Variants in ASPA observed in about 807,000 individuals in gnomAD.
ASPA encodes ACY-2.
ASPA carries 25 observed loss-of-function variants against 29.6 expected under a neutral mutation model. The ratio of observed to expected loss-of-function variants is 0.85; its 90% CI spans 0.62 to 1.18. The LOEUF (loss-of-function observed/expected upper bound fraction) is 1.18, where lower values mean the gene tolerates loss of function less well. ASPA is among the 50% of genes most tolerant of loss of function. The pLI, the probability that ASPA is intolerant of heterozygous loss-of-function variation, is 0.00. For synonymous variants in ASPA, 131 were observed against 130.3 expected, an observed-to-expected ratio of 1.01 and a Z score of -0.04; for missense variants, 333 against 385.7, an observed-to-expected ratio of 0.86 and a Z score of 1.14.
At chr17:3,481,556 A>G (rs1205236681) in intron 1 of ASPA, 47 bp from the exon 2 acceptor site, 1 of 1,527,752 alleles carries the variant, frequency 6.5e-7, no homozygotes, top group Non-Finnish European at 9.0e-7. Context: ...TGTTTATATT[A>G]TCTCAGGCAC....
rs766958858 is a variant in ASPA at position 3,476,417 on chromosome 17, T to C, written c.236+22T>C. 18 of 1,600,254 alleles carry C rather than the reference T, an allele frequency of 1.1e-5. 1 individual carries two copies. The South Asian group carries it at 1.5e-4, about 14-fold the overall frequency. On this transcript the variant is annotated intron_variant, in intron 1 of 5. Coordinates refer to ENST00000263080, the MANE Select transcript of ASPA (RefSeq NM_000049.4). ...TTGGGTAAGACTATGCTTTGTATTG[T>C]ATATGTATGTATGTTGTGTGAAAAG... is the stretch of plus-strand genomic sequence containing the variant.
Position 3,476,052 on chromosome 17 carries a change from C to A in ASPA, c.-108C>A. ...CCACTCAAGGGAATTCTGTACTTTG[C>A]CCTTTGGGTAAAGTCTCATTTACAT... On this transcript the variant is annotated 5_prime_UTR_variant, in exon 1 of 6. Transcript: ENST00000263080. 1.9e-6 allele frequency: 2 copies of A among 1,028,428 alleles called. No individual in the cohort carries two copies. Among genetic ancestry groups the A allele is most frequent in the Non-Finnish European group, 1.5e-6 (1 of 678,162 alleles). The allele number at this position is 1,028,428 out of a possible 1,614,324, so 63.7% of individuals were successfully genotyped here.
At chr17:3,486,675 A>ATT (rs1003291932) in intron 3 of ASPA, among the ~76,000 whole-genome samples, 1 of 152,202 alleles carries the variant, frequency 6.6e-6, no homozygotes, top group African/African-American at 2.4e-5. Context: ...AACTTAAAAT[A>ATT]TTTTTTGTTA....
chr17:3,498,840 T>C, intron 5 of ASPA, 51 bp from the exon 6 acceptor site: 1 of 1,416,714 alleles, frequency 7.1e-7, no homozygotes, highest in African/African-American at 1.4e-5. Context: ...CATAAATTTT[T>C]AGAGGAGAAA....
Position 3,485,153 on chromosome 17 carries a change from G to A in ASPA, c.526+1561G>A, listed in dbSNP as rs2073697473. 1.3e-5 allele frequency among the ~76,000 whole-genome samples: 2 copies of A among 152,090 alleles called. No homozygotes were observed. Among genetic ancestry groups the A allele is most frequent in the African/African-American group, 4.8e-5 (2 of 41,400 alleles). On this transcript the variant is annotated intron_variant, in intron 3 of 5. Transcript: ENST00000263080. The surrounding 1 kb of genome is among the most constrained non-coding windows in gnomAD (Gnocchi z 4.4). ...CCCATCTCAGCCTCCCAAGTAGCTT[G>A]AACTACAGGCACGTGCCACCACATT...
At chr17:3,497,366 A>G (rs1257239280) in intron 5 of ASPA, among the ~76,000 whole-genome samples, 1 of 152,206 alleles carries the variant, frequency 6.6e-6, no homozygotes, top group Non-Finnish European at 1.5e-5. Flanking sequence ...CACAGAAAAC[A>G]GTGAACTATA....
In ASPA at chr17:3,493,852, G is replaced by T. The variant is rs1405938181; in HGVS notation, c.635-498G>T. Reference sequence around the variant, plus strand: ...TTTTTCAGTTCTGTTTTCTACCTCTGGCCGTCGGCGTGTTTGTGGACAGAG... The same window carrying T: ...TTTTTCAGTTCTGTTTTCTACCTCTTGCCGTCGGCGTGTTTGTGGACAGAG... On this transcript the variant is annotated intron_variant, in intron 4 of 5. Coordinates refer to ENST00000263080, the MANE Select transcript of ASPA (RefSeq NM_000049.4). Among the ~76,000 whole-genome samples the T allele has an allele frequency of 3.3e-5, 5 of 152,132 alleles. No homozygotes were observed. In the East Asian group the frequency reaches 9.7e-4, roughly 29 times the overall value.
chr17:3,479,432 G>A lies in ASPA; in HGVS notation c.237-2171G>A, dbSNP rs548672353. Among the ~76,000 whole-genome samples the A allele has an allele frequency of 2.0e-4, 31 of 152,304 alleles. 1 individual carries two copies. In the South Asian group the frequency reaches 5.6e-3, roughly 28 times the overall value. ...ATTAGGCTTGGTTTGCATACAATAGGAACCTAAGAATAGTGGTTTAAACAA... is the reference window on the plus strand; with the variant it reads ...ATTAGGCTTGGTTTGCATACAATAGAAACCTAAGAATAGTGGTTTAAACAA... On this transcript the variant is annotated intron_variant, in intron 1 of 5. Transcript: ENST00000263080.
rs775451292 is a variant in ASPA at position 3,481,628 on chromosome 17, T to A, written c.262T>A (p.Tyr88Asn). The A allele has an allele frequency of 6.2e-7, 1 of 1,613,772 alleles. No homozygotes were observed. Among genetic ancestry groups the A allele is most frequent in the South Asian group, 1.1e-5 (1 of 91,026 alleles). The change falls in exon 2 of 6, where the codon TAT (tyrosine) becomes AAT (asparagine). Residue 88 changes from tyrosine to asparagine, a missense_variant. Physicochemically the swap from Tyr to Asn is moderately radical, Grantham distance 143 (BLOSUM62 -2). Coordinates refer to ENST00000263080, the MANE Select transcript of ASPA (RefSeq NM_000049.4). ...CAAAAAAATGTCAGAAGATTTGCCA[T>A]ATGAAGTGAGAAGGGCTCAAGAAAT... ...LGKKMSEDLP[Y>N]EVRRAQEINH...
intron 5 of ASPA, among the ~76,000 whole-genome samples, chr17:3,496,863 G>A (rs541777247): frequency 5.7e-4 from 86 of 152,124 alleles, no homozygotes; most frequent in African/African-American, 1.9e-3. Context: ...TCAGGAGATC[G>A]AGACCATCCT....
chr17:3,474,504 G>A (rs116145405), upstream of ASPA, among the ~76,000 whole-genome samples: 133 of 152,286 alleles, frequency 8.7e-4, no homozygotes, highest in African/African-American at 3.1e-3. Context: ...TTACTTTTAC[G>A]TGTGTTTTCA....
At chr17:3,498,554 C>A (rs2073946461) in intron 5 of ASPA, among the ~76,000 whole-genome samples, 1 of 152,016 alleles carries the variant, frequency 6.6e-6, no homozygotes, top group Admixed American at 6.6e-5. Flanking sequence ...TCTGTGTTGC[C>A]CAGGCTGGTT....
At chr17:3,483,667 CTTATT>C (rs942051498) in intron 3 of ASPA, 75 bp downstream of exon 3, 5 of 1,414,314 alleles carry the variant, frequency 3.5e-6, no homozygotes, top group Non-Finnish European at 5.0e-6. Context: ...TATTTTTTAT[CTTATT>C]TTATTTTTGA....
chr17:3,487,182 A>C (rs1337204870), intron 3 of ASPA, among the ~76,000 whole-genome samples: 1 of 152,126 alleles, frequency 6.6e-6, no homozygotes, highest in Non-Finnish European at 1.5e-5. Flanking sequence ...ACAGAGTACA[A>C]AGGTGGTCCT....
rs757607501 is a variant in ASPA, at chr17:3,476,319, A to C, written c.160A>C (p.Asn54His). Reference sequence around the variant, plus strand: ...GCTGGAGGTAAAACCATTTATTACTAACCCCAGAGCAGTGAAGAAGTGTAC... The same window carrying C: ...GCTGGAGGTAAAACCATTTATTACTCACCCCAGAGCAGTGAAGAAGTGTAC... The part of the protein sequence containing the change: ...TGLEVKPFIT[N>H]PRAVKKCTRY... Residue 54 changes from asparagine to histidine, a missense_variant, in exon 1 of 6, where the codon AAC (asparagine) becomes CAC (histidine). Physicochemically the swap from Asn to His is moderately conservative, Grantham distance 68. Coordinates refer to ENST00000263080, the MANE Select transcript of ASPA (RefSeq NM_000049.4). 5.0e-6 allele frequency: 8 copies of C among 1,614,100 alleles called. No homozygotes were observed. In the East Asian group the frequency reaches 1.8e-4, roughly 36 times the overall value.
intron 2 of ASPA, 102 bp downstream of exon 2, chr17:3,481,900 A>T: frequency 8.7e-7 from 1 of 1,152,982 alleles, no homozygotes; most frequent in Non-Finnish European, 1.2e-6. Flanking sequence ...GGAAGGTGCA[A>T]GAGAAATGGG....
chr17:3,479,903 GA>G (rs34744839), intron 1 of ASPA, among the ~76,000 whole-genome samples: 55,589 of 151,830 alleles, frequency 0.37, 12,962 homozygotes, highest in Non-Finnish European at 0.54. Flanking sequence ...ATTATATCTA[GA>G]AAAAAAATGT....
At chr17:3,484,260 T>C (rs902383560) in intron 3 of ASPA, among the ~76,000 whole-genome samples, 1 of 152,214 alleles carries the variant, frequency 6.6e-6, no homozygotes, top group African/African-American at 2.4e-5. Context: ...CTAATATTTA[T>C]AGTGTGCCTA....
At chr17:3,497,866 A>G (rs1197446968) in intron 5 of ASPA, among the ~76,000 whole-genome samples, 1 of 152,154 alleles carries the variant, frequency 6.6e-6, no homozygotes, top group Non-Finnish European at 1.5e-5. Context: ...CTATAGAATC[A>G]GAATCTTCAT....
Sources: gnomAD v4.1 joint callset for allele counts (sites outside exome capture counted in the v4.1 genomes callset) on GRCh38, gnomAD v4.1.1 for gene constraint, Gnocchi (gnomAD v3.1) non-coding constraint, MANE v1.5 for transcripts, NCBI Gene and HGNC (gene_info 2026-07-23, HGNC 2026-07-21) for gene names.